Variants in PLEKHM2 observed in about 807,000 individuals in gnomAD.
The protein encoded by PLEKHM2 is pleckstrin homology domain-containing family M member 2.
Under a neutral mutation model 116.3 loss-of-function variants are expected in PLEKHM2, and 77 were observed. The observed-to-expected ratio is 0.66, with a 90% CI of 0.55 to 0.80. PLEKHM2 has a LOEUF of 0.80. PLEKHM2 is among the 30% of genes least tolerant of loss of function. The pLI is 0.00. For synonymous variants in PLEKHM2, 562 were observed against 571.0 expected (o/e 0.98, Z 0.22); for missense variants, 1,183 against 1,354.9 (o/e 0.87, Z 1.99).
rs765666083 is a variant in PLEKHM2, at chr1:15,727,519, G to A, written c.1447G>A (p.Asp483Asn). The A allele has an allele frequency of 1.3e-6, 2 of 1,579,414 alleles. No homozygotes were observed. Among genetic ancestry groups the A allele is most frequent in the Non-Finnish European group, 1.7e-6 (2 of 1,163,330 alleles). ...STVTSGGGHHDPAGLGQPLHV... is the reference protein window; with the variant it reads ...STVTSGGGHHNPAGLGQPLHV... Reference sequence around the variant, plus strand: ...TGTTACATCAGGTGGCGGCCACCATGACCCTGCAGGGCTTGGCCAACCGCT... The same window carrying A: ...TGTTACATCAGGTGGCGGCCACCATAACCCTGCAGGGCTTGGCCAACCGCT... Residue 483 changes from aspartate (D) to asparagine (N), a missense_variant, in exon 9 of 20, where the codon GAC becomes AAC. By Grantham distance (23) the Asp-to-Asn change is conservative. This residue lies in a region of PLEKHM2 where 594 missense variants were observed against 720.1 expected (regional missense o/e 0.82). Coordinates refer to ENST00000375799, the MANE Select transcript of PLEKHM2 (RefSeq NM_015164.4). This position sits in a 1 kb window ranked among gnomAD's most constrained non-coding sequence, Gnocchi z 7.5.
chr1:15,722,195 G>A (rs1167940640), intron 7 of PLEKHM2, among the ~76,000 whole-genome samples: 1 of 152,230 alleles, frequency 6.6e-6, no homozygotes, highest in African/African-American at 2.4e-5. Flanking sequence ...TCAGGCTGGA[G>A]TGCAGTGGTG....
At chr1:15,689,793 G>T (rs1640851505) in intron 1 of PLEKHM2, among the ~76,000 whole-genome samples, 1 of 152,184 alleles carries the variant, frequency 6.6e-6, no homozygotes, top group South Asian at 2.1e-4. Flanking sequence ...TTTCGCTCTT[G>T]TTGCCCAGGC....
intron 1 of PLEKHM2, among the ~76,000 whole-genome samples, chr1:15,710,377 G>A (rs1641308240): frequency 6.6e-6 from 1 of 151,820 alleles, no homozygotes; most frequent in Non-Finnish European, 1.5e-5. Context: ...GCCCAGGTTG[G>A]AGTGCAGTGG....
chr1:15,721,377 C>A lies in PLEKHM2; in HGVS notation c.701C>A (p.Thr234Lys). 1 of 1,567,872 alleles carries A rather than the reference C, an allele frequency of 6.4e-7. No homozygotes were observed. The highest frequency in any genetic ancestry group is 1.4e-5 in the African/African-American group (1 of 74,062). ...VFPAVPSVPS[T>K]DWEDGDLTDT... ...CCAGCAGTGCCGTCTGTACCCAGCACAGACTGGGAAGGTGGGCCAGAGTCC... is the reference window on the plus strand; with the variant it reads ...CCAGCAGTGCCGTCTGTACCCAGCAAAGACTGGGAAGGTGGGCCAGAGTCC... Residue 234 changes from threonine to lysine, a missense_variant, in exon 7 of 20, where the codon ACA becomes AAA. Physicochemically the swap from Thr to Lys is moderately conservative, Grantham distance 78. Around this residue, in one of 3 missense-constraint regions of PLEKHM2, gnomAD observed 372 missense variants for 357.2 expected, o/e 1.04. Coordinates refer to ENST00000375799, the MANE Select transcript of PLEKHM2 (RefSeq NM_015164.4). This position sits in a 1 kb window ranked among gnomAD's most constrained non-coding sequence, Gnocchi z 5.1.
Position 15,734,085 on chromosome 1 carries a change from C to A in PLEKHM2, c.*151C>A. The A allele has an allele frequency of 1.2e-6, 1 of 835,638 alleles. No individual in the cohort carries two copies. The highest frequency in any genetic ancestry group is 1.8e-6 in the Non-Finnish European group (1 of 558,432). 51.8% of individuals were successfully genotyped at this position (835,638 alleles called of 1,614,324 possible). A position where few individuals can be genotyped will look rare whatever the true frequency, so the allele number is the denominator to read the frequency against. On this transcript the variant is annotated 3_prime_UTR_variant, in exon 20 of 20. Transcript: ENST00000375799. Reference sequence around the variant, plus strand: ...ACCGAGTGTGGCTTAAGACAGGGTCCCTCCACTCCAGGGATCCAGATCAGG... The same window carrying A: ...ACCGAGTGTGGCTTAAGACAGGGTCACTCCACTCCAGGGATCCAGATCAGG...
chr1:15,684,089 T>A (rs1207630773), upstream of PLEKHM2, among the ~76,000 whole-genome samples: 2 of 146,940 alleles, frequency 1.4e-5, no homozygotes, highest in Non-Finnish European at 3.0e-5. Flanking sequence ...AGCCCCGAGG[T>A]CCCCGGCAGG....
chr1:15,733,312 G>C (rs1204058303), intron 19 of PLEKHM2, among the ~76,000 whole-genome samples: 1 of 152,268 alleles, frequency 6.6e-6, no homozygotes, highest in Non-Finnish European at 1.5e-5. Context: ...CAAACAGCAC[G>C]AATTGTGGTG....
At chr1:15,725,881 T>C (rs2068058106) in intron 8 of PLEKHM2, 1 of 331,268 alleles carries the variant, frequency 3.0e-6, no homozygotes, top group African/African-American at 2.1e-5. Context: ...CGCTGTGTTG[T>C]GGCGGGGAGT....
intron 1 of PLEKHM2, among the ~76,000 whole-genome samples, chr1:15,696,902 T>C (rs1381791021): frequency 6.6e-6 from 1 of 152,190 alleles, no homozygotes; most frequent in Non-Finnish European, 1.5e-5. Context: ...TTTCAGCCTG[T>C]AGAATATCTG....
In PLEKHM2 at chr1:15,729,794, C is replaced by A; in HGVS notation, c.2076-3C>A. 1 of 1,611,172 alleles carries A rather than the reference C, an allele frequency of 6.2e-7. No homozygotes were observed. Among genetic ancestry groups the A allele is most frequent in the Non-Finnish European group, 8.5e-7 (1 of 1,178,722 alleles). On this transcript the variant is annotated splice_region_variant and splice_polypyrimidine_tract_variant and intron_variant, in intron 13 of 19. Coordinates refer to ENST00000375799, the MANE Select transcript of PLEKHM2 (RefSeq NM_015164.4). The surrounding 1 kb of genome is among the most constrained non-coding windows in gnomAD (Gnocchi z 4.7). ...CTAACCACAAACCTCACTCCCTATG[C>A]AGGTTCTTTTTGGCTTCTTTGAAGT...
At position 15,728,665 on chromosome 1, in the gene PLEKHM2, T is replaced by A. The variant is rs1464858873; in HGVS notation, c.1922-4T>A. 6.2e-7 allele frequency: 1 copy of A among 1,608,268 alleles called. No homozygotes were observed. The highest frequency in any genetic ancestry group is 2.2e-5 in the East Asian group (1 of 44,712). ...ATAATAGGCCTTGGGGTTTCCTCTC[T>A]CAGGGGCCACAGAGAAGCCATACCT... is the stretch of plus-strand genomic sequence containing the variant. On this transcript the variant is annotated splice_polypyrimidine_tract_variant and splice_region_variant and intron_variant, in intron 11 of 19. Coordinates refer to ENST00000375799, the MANE Select transcript of PLEKHM2 (RefSeq NM_015164.4). The surrounding 1 kb of genome is among the most constrained non-coding windows in gnomAD (Gnocchi z 5.9).
chr1:15,728,588 G>A lies in PLEKHM2; in HGVS notation c.1922-81G>A, dbSNP rs2068097571. The A allele has an allele frequency of 7.8e-7, 1 of 1,277,264 alleles. No homozygotes were observed. Among genetic ancestry groups the A allele is most frequent in the Admixed American group, 2.0e-5 (1 of 50,604 alleles). 79.1% of individuals were successfully genotyped at this position (1,277,264 alleles called of 1,614,324 possible). A position where few individuals can be genotyped will look rare whatever the true frequency, so the allele number is the denominator to read the frequency against. On this transcript the variant is annotated intron_variant, in intron 11 of 19. Coordinates refer to ENST00000375799, the MANE Select transcript of PLEKHM2 (RefSeq NM_015164.4). This position sits in a 1 kb window ranked among gnomAD's most constrained non-coding sequence, Gnocchi z 5.9. The stretch of plus-strand genomic sequence containing the variant: ...GGCAAGGAGAGGCCCTCTAAGAGAG[G>A]GGGCTGTGTCTAAGAAAATGGGGCA...
intron 1 of PLEKHM2, among the ~76,000 whole-genome samples, chr1:15,693,634 T>C (rs1333492522): frequency 6.6e-6 from 1 of 152,232 alleles, no homozygotes; most frequent in East Asian, 1.9e-4. Context: ...TCTGCCATTA[T>C]GGCTAACACT....
At chr1:15,705,105 C>G (rs1049438156) in intron 1 of PLEKHM2, among the ~76,000 whole-genome samples, 3 of 151,796 alleles carry the variant, frequency 2.0e-5, no homozygotes, top group African/African-American at 7.3e-5. Flanking sequence ...CTGGCGGCAC[C>G]CCCCCTGCCC....
intron 1 of PLEKHM2, among the ~76,000 whole-genome samples, chr1:15,695,674 G>C (rs758024826): frequency 4.6e-5 from 7 of 152,030 alleles, no homozygotes; most frequent in Non-Finnish European, 1.0e-4. Flanking sequence ...ACCACGCCTG[G>C]CTAATTTTTG....
rs201352928 is a variant in PLEKHM2, at chr1:15,729,919, C to T, written c.2198C>T (p.Ser733Leu). 2.7e-5 allele frequency: 44 copies of T among 1,611,620 alleles called. No individual in the cohort carries two copies. Among genetic ancestry groups the T allele is most frequent in the South Asian group, 6.6e-5 (6 of 90,940 alleles). The stretch of plus-strand genomic sequence containing the variant: ...CTGGCCAAATTTGTGGCCCAAGAAT[C>T]GAAGTGTGAGGTAAGAACCTGGGGA... Reference protein sequence around the residue: ...LALAKFVAQESKCEASAVTVR... With the variant: ...LALAKFVAQELKCEASAVTVR... Residue 733 changes from serine to leucine, a missense_variant, in exon 14 of 20, where the codon TCG (serine) becomes TTG (leucine). Physicochemically the swap from Ser to Leu is moderately radical, Grantham distance 145 (BLOSUM62 -2). Transcript: ENST00000375799. This position sits in a 1 kb window ranked among gnomAD's most constrained non-coding sequence, Gnocchi z 4.7.
chr1:15,710,768 A>G (rs78749140), intron 1 of PLEKHM2, among the ~76,000 whole-genome samples: 21,924 of 152,282 alleles, frequency 0.14, 2,756 homozygotes, highest in African/African-American at 0.34. Flanking sequence ...TAGTTTTAAA[A>G]GGGGCATATT....
At position 15,731,189 on chromosome 1, in the gene PLEKHM2, C is replaced by T. The variant is rs1389753957; in HGVS notation, c.2400-3C>T. 2.5e-6 allele frequency: 4 copies of T among 1,592,128 alleles called. 1 individual carries two copies. Among genetic ancestry groups the T allele is most frequent in the South Asian group, 2.3e-5 (2 of 87,764 alleles). On this transcript the variant is annotated splice_polypyrimidine_tract_variant and splice_region_variant and intron_variant, in intron 15 of 19. Coordinates refer to ENST00000375799, the MANE Select transcript of PLEKHM2 (RefSeq NM_015164.4). Reference sequence around the variant, plus strand: ...TCACTCGCCCTGTGTTGTGCCCCTGCAGCAACGGGATCCTCTACCAGTACC... The same window carrying T: ...TCACTCGCCCTGTGTTGTGCCCCTGTAGCAACGGGATCCTCTACCAGTACC...
intron 1 of PLEKHM2, among the ~76,000 whole-genome samples, chr1:15,709,749 ATGTG>A (rs1641293506): frequency 6.6e-6 from 1 of 152,068 alleles, no homozygotes; most frequent in African/African-American, 2.4e-5. Context: ...TCATAATACC[ATGTG>A]TAGATATGCA....
Sources: allele counts gnomAD v4.1 joint callset (sites outside exome capture counted in the v4.1 genomes callset), GRCh38; gene constraint gnomAD v4.1.1; regional missense constraint gnomAD v4.1.1; non-coding constraint Gnocchi (gnomAD v3.1); transcripts MANE v1.5; gene names NCBI Gene and HGNC (gene_info 2026-07-23, HGNC 2026-07-21).